GRM3: variants seen among roughly 807,000 people sequenced by gnomAD.
GRM3 encodes glutamate metabotropic receptor 3.
GRM3 carries 26 observed loss-of-function variants against 70.5 expected under a neutral mutation model. The observed-to-expected ratio is 0.37, with a 90% CI of 0.27 to 0.51. GRM3 has a LOEUF of 0.51. Among genes scored for constraint, GRM3 ranks in the 20% least tolerant of loss-of-function variants. GRM3 has a pLI of 0.93. For synonymous variants in GRM3, 443 were observed against 434.9 expected (o/e 1.02, Z -0.23); for missense variants, 859 against 1,123.8 (o/e 0.76, Z 3.37).
chr7:86,861,126 T>G (rs1294367628), intron 5 of GRM3, among the ~76,000 whole-genome samples: 1 of 152,226 alleles, frequency 6.6e-6, no homozygotes, highest in Non-Finnish European at 1.5e-5. Context: ...TCAGTTCTCT[T>G]GGCAAGGGTA....
At chr7:86,847,937 A>C (rs977481863) in intron 4 of GRM3, among the ~76,000 whole-genome samples, 1 of 152,194 alleles carries the variant, frequency 6.6e-6, no homozygotes, top group Non-Finnish European at 1.5e-5. Context: ...AAACTATGAT[A>C]AAAATGCAAT....
intron 3 of GRM3, among the ~76,000 whole-genome samples, chr7:86,802,982 T>TC (rs1226509903): frequency 6.6e-6 from 1 of 152,198 alleles, no homozygotes; most frequent in African/African-American, 2.4e-5. Context: ...TACAGGCTAT[T>TC]CAGTCACCAA....
At chr7:86,791,808 C>T (rs1319147721) in intron 3 of GRM3, among the ~76,000 whole-genome samples, 5 of 152,068 alleles carry the variant, frequency 3.3e-5, no homozygotes, top group Admixed American at 6.6e-5. Context: ...TCAGTTGACA[C>T]AAAGGTGGTT....
intron 4 of GRM3, among the ~76,000 whole-genome samples, chr7:86,842,972 C>G (rs111692295): frequency 6.6e-6 from 1 of 151,898 alleles, no homozygotes; most frequent in African/African-American, 2.4e-5. Context: ...ATTCTGGAGA[C>G]AGGACAGGAA....
intron 1 of GRM3, among the ~76,000 whole-genome samples, chr7:86,760,940 A>G (rs908401752): frequency 2.0e-5 from 3 of 152,094 alleles, no homozygotes; most frequent in African/African-American, 4.8e-5. Flanking sequence ...AAATTTATAT[A>G]ACACATGTAG....
At chr7:86,758,094 T>A (rs1192325730) in intron 1 of GRM3, among the ~76,000 whole-genome samples, 2 of 152,146 alleles carry the variant, frequency 1.3e-5, no homozygotes, top group African/African-American at 4.8e-5. Flanking sequence ...TCAGTCCCTC[T>A]CTCACTCTCT....
chr7:86,750,467 A>G (rs767415907), intron 1 of GRM3, among the ~76,000 whole-genome samples: 67 of 152,068 alleles, frequency 4.4e-4, no homozygotes, highest in Admixed American at 1.3e-4. Context: ...ACTTGGAAAC[A>G]TATGCTGTGT....
chr7:86,678,312 CAGA>C (rs1269297089), intron 1 of GRM3, among the ~76,000 whole-genome samples: 91 of 151,832 alleles, frequency 6.0e-4, no homozygotes, highest in African/African-American at 2.1e-3. Flanking sequence ...GTCAGAATTG[CAGA>C]AGAACTCAGG....
At chr7:86,816,622 T>C (rs1295284778) in intron 3 of GRM3, among the ~76,000 whole-genome samples, 2 of 151,966 alleles carry the variant, frequency 1.3e-5, no homozygotes, top group African/African-American at 2.4e-5. Context: ...AAGGATATGA[T>C]CTCGTTCCTT....
chr7:86,816,786 C>T (rs1241273893), intron 3 of GRM3, among the ~76,000 whole-genome samples: 3 of 151,848 alleles, frequency 2.0e-5, no homozygotes, highest in South Asian at 2.1e-4. Flanking sequence ...CTACTCCAGA[C>T]ATCAATTCCT....
In GRM3 at chr7:86,652,121, A is replaced by C. The variant is rs552226165; in HGVS notation, c.-141+7249A>C. ...CCCTTCCTTGGCTATGGTTTCCTAA[A>C]CACTCATAATGCAGTAATTTGAAAG... On this transcript the variant is annotated intron_variant, in intron 1 of 5. Transcript: ENST00000361669. Among the ~76,000 whole-genome samples, 6 of 152,288 alleles carry C rather than the reference A, an allele frequency of 3.9e-5. No homozygotes were observed. In the South Asian group the frequency reaches 1.2e-3, roughly 32 times the overall value.
At chr7:86,797,594 A>G (rs1041281419) in intron 3 of GRM3, among the ~76,000 whole-genome samples, 10 of 152,242 alleles carry the variant, frequency 6.6e-5, no homozygotes, top group Non-Finnish European at 1.5e-4. Context: ...TTAAAAGAGG[A>G]GAGCATAAAA....
Position 86,786,516 on chromosome 7 carries a change from G to T in GRM3, c.724G>T (p.Ala242Ser). ...QEARLRNICI[A>S]TAEKVGRSNI... is the part of the protein sequence containing the mutation. The stretch of plus-strand genomic sequence containing the variant: ...AGCCCGCCTGCGCAACATCTGCATC[G>T]CTACGGCGGAGAAGGTGGGCCGCTC... The change falls in exon 3 of 6, where the codon GCT (alanine) becomes TCT (serine). Residue 242 changes from alanine (A) to serine (S), a missense_variant. Physicochemically the swap from Ala to Ser is moderately conservative, Grantham distance 99. Coordinates refer to ENST00000361669, the MANE Select transcript of GRM3 (RefSeq NM_000840.3). The surrounding 1 kb of genome is among the most constrained non-coding windows in gnomAD (Gnocchi z 6.0). 3 of 1,614,138 alleles carry T rather than the reference G, an allele frequency of 1.9e-6. No homozygotes were observed. Among genetic ancestry groups the T allele is most frequent in the Non-Finnish European group, 2.5e-6 (3 of 1,180,046 alleles).
At chr7:86,861,333 C>G (rs904256599) in intron 5 of GRM3, among the ~76,000 whole-genome samples, 1 of 152,184 alleles carries the variant, frequency 6.6e-6, no homozygotes, top group Non-Finnish European at 1.5e-5. Context: ...TATAGACAGT[C>G]TATTCCATGA....
rs138241131 is a variant in GRM3 at position 86,708,793 on chromosome 7, G to A, written c.-140-56213G>A. Among the ~76,000 whole-genome samples, 249 of 152,174 alleles carry A rather than the reference G, an allele frequency of 1.6e-3. 1 individual carries two copies. The highest frequency in any genetic ancestry group is 5.6e-3 in the African/African-American group (234 of 41,540). ...GCCCTCCTGACCAGAACATAACTGAGGCTGGCCAGAGTCTAGTCTGAGCAT... is the reference window on the plus strand; with the variant it reads ...GCCCTCCTGACCAGAACATAACTGAAGCTGGCCAGAGTCTAGTCTGAGCAT... On this transcript the variant is annotated intron_variant, in intron 1 of 5. Transcript: ENST00000361669.
intron 1 of GRM3, among the ~76,000 whole-genome samples, chr7:86,727,347 T>C (rs1408177096): frequency 1.3e-5 from 2 of 152,162 alleles, no homozygotes; most frequent in African/African-American, 4.8e-5. Context: ...ATATATTCCA[T>C]CTACTTTTCT....
intron 3 of GRM3, among the ~76,000 whole-genome samples, chr7:86,804,747 A>C (rs1220070273): frequency 2.6e-5 from 4 of 152,162 alleles, no homozygotes; most frequent in Non-Finnish European, 5.9e-5. Flanking sequence ...TTCATATGAC[A>C]GGTGCTTCTG....
At chr7:86,691,108 TA>T (rs1049755430) in intron 1 of GRM3, among the ~76,000 whole-genome samples, 209 of 152,258 alleles carry the variant, frequency 1.4e-3, no homozygotes, top group African/African-American at 4.9e-3. Flanking sequence ...TCACACTCCC[TA>T]GCCATTCAAT....
intron 1 of GRM3, among the ~76,000 whole-genome samples, chr7:86,718,638 C>G (rs142988059): frequency 6.6e-6 from 1 of 151,880 alleles, no homozygotes; most frequent in Non-Finnish European, 1.5e-5. Flanking sequence ...CTCTGTAAGG[C>G]AAGTCTGCAT....
Sources: allele counts gnomAD v4.1 joint callset (sites outside exome capture counted in the v4.1 genomes callset), GRCh38; gene constraint gnomAD v4.1.1; non-coding constraint Gnocchi (gnomAD v3.1); transcripts MANE v1.5; gene names NCBI Gene and HGNC (gene_info 2026-07-23, HGNC 2026-07-21).